GALNT7: variants seen among roughly 807,000 people sequenced by gnomAD.
GALNT7 encodes the protein N-acetylgalactosaminyltransferase 7.
Under a neutral mutation model 82.1 loss-of-function variants are expected in GALNT7, and 60 were observed. The ratio of observed to expected loss-of-function variants is 0.73; its 90% confidence interval spans 0.59 to 0.91. The LOEUF (loss-of-function observed/expected upper bound fraction) is 0.91, where lower values mean the gene tolerates loss of function less well. Among genes scored for constraint, GALNT7 ranks in the 40% least tolerant of loss-of-function variants. The pLI is 0.00. For synonymous variants in GALNT7, 243 were observed against 275.1 expected (o/e 0.88, Z 1.15); for missense variants, 660 against 804.2 (o/e 0.82, Z 2.17).
intron 2 of GALNT7, among the ~76,000 whole-genome samples, chr4:173,258,202 A>G (rs1016505646): frequency 3.3e-5 from 5 of 152,184 alleles, no homozygotes; most frequent in African/African-American, 1.2e-4. Flanking sequence ...AACCTAGACT[A>G]GAGTTTGGTT....
chr4:173,318,226 G>T (rs76395276), intron 10 of GALNT7, among the ~76,000 whole-genome samples: 1,979 of 152,238 alleles, frequency 0.013, 35 homozygotes, highest in African/African-American at 0.041. Context: ...AGAGACTAAA[G>T]AACTTAATGA....
intron 1 of GALNT7, among the ~76,000 whole-genome samples, chr4:173,179,116 A>G (rs759049349): frequency 2.0e-4 from 31 of 152,218 alleles, no homozygotes; most frequent in Non-Finnish European, 3.7e-4. Flanking sequence ...TATGAAAACT[A>G]TGTATTCACT....
chr4:173,266,295 A>G (rs919622056), intron 2 of GALNT7, among the ~76,000 whole-genome samples: 10 of 152,218 alleles, frequency 6.6e-5, no homozygotes, highest in Non-Finnish European at 1.2e-4. Flanking sequence ...AAAGAATTTT[A>G]GAACTGAAGG....
chr4:173,271,866 T>G (rs1561183759), intron 2 of GALNT7, among the ~76,000 whole-genome samples: 4 of 152,254 alleles, frequency 2.6e-5, no homozygotes, highest in Admixed American at 2.0e-4. Context: ...TTATGTATCT[T>G]TAAATATTTT....
At chr4:173,291,318 AACATT>A (rs776478702) in intron 2 of GALNT7, among the ~76,000 whole-genome samples, 40 of 152,324 alleles carry the variant, frequency 2.6e-4, no homozygotes, top group Non-Finnish European at 4.1e-4. Context: ...TCTCTCCAGA[AACATT>A]ACATCTTCCT....
At chr4:173,237,411 C>T (rs942593175) in intron 1 of GALNT7, among the ~76,000 whole-genome samples, 3 of 152,158 alleles carry the variant, frequency 2.0e-5, no homozygotes, top group East Asian at 1.9e-4. Flanking sequence ...TATTCATTTT[C>T]GAGTTTCTCC....
rs904978942 is a variant in GALNT7 at position 173,292,400 on chromosome 4, C to G, written c.754+126C>G. On this transcript the variant is annotated intron_variant, in intron 3 of 11. Coordinates refer to ENST00000265000, the MANE Select transcript of GALNT7 (RefSeq NM_017423.3). This position sits in a 1 kb window ranked among gnomAD's most constrained non-coding sequence, Gnocchi z 4.8. Reference sequence around the variant, plus strand: ...ATCTATTGATAGCATCTGTTATCAACAAGTTGACACTGTGCCAAGCATTGT... The same window carrying G: ...ATCTATTGATAGCATCTGTTATCAAGAAGTTGACACTGTGCCAAGCATTGT... 1.7e-5 allele frequency: 10 copies of G among 596,776 alleles called. No individual in the cohort carries two copies. Among genetic ancestry groups the G allele is most frequent in the Admixed American group, 1.4e-4 (4 of 28,784 alleles). 37.0% of individuals were successfully genotyped at this position (596,776 alleles called of 1,614,324 possible).
At chr4:173,273,454 C>T (rs1228747496) in intron 2 of GALNT7, among the ~76,000 whole-genome samples, 3 of 152,050 alleles carry the variant, frequency 2.0e-5, no homozygotes, top group Admixed American at 1.3e-4. Context: ...TTAAAAACAA[C>T]AACAAAAAAT....
At chr4:173,216,209 CTT>C (rs1230512970) in intron 1 of GALNT7, among the ~76,000 whole-genome samples, 2 of 152,174 alleles carry the variant, frequency 1.3e-5, no homozygotes, top group East Asian at 3.8e-4. Context: ...ACCCTTTTCT[CTT>C]TTAATATTGT....
intron 1 of GALNT7, among the ~76,000 whole-genome samples, chr4:173,200,837 A>G (rs998639692): frequency 1.3e-5 from 2 of 152,228 alleles, no homozygotes; most frequent in African/African-American, 2.4e-5. Context: ...TGAAAGTAAT[A>G]TTCTGAATGA....
chr4:173,248,475 C>T lies in GALNT7; in HGVS notation c.587+35C>T, dbSNP rs375078300. 230 of 1,322,432 alleles carry T rather than the reference C, an allele frequency of 1.7e-4. No homozygotes were observed. The African/African-American group carries it at 3.1e-3, about 18-fold the overall frequency. 81.9% of individuals were successfully genotyped at this position (1,322,432 alleles called of 1,614,324 possible). ...CATCCTCTTCTTTCTAAAAATGGGG[C>T]AACTGTTGTTTTCATAGGTTTTTAG... On this transcript the variant is annotated intron_variant, in intron 2 of 11. Coordinates refer to ENST00000265000, the MANE Select transcript of GALNT7 (RefSeq NM_017423.3).
intron 11 of GALNT7, among the ~76,000 whole-genome samples, chr4:173,319,452 T>C (rs992331025): frequency 7.9e-5 from 12 of 152,136 alleles, no homozygotes; most frequent in African/African-American, 2.7e-4. Context: ...TATCAATTGA[T>C]GATTTTGTTT....
intron 1 of GALNT7, among the ~76,000 whole-genome samples, chr4:173,218,490 G>C (rs536735448): frequency 6.6e-6 from 1 of 152,072 alleles, no homozygotes; most frequent in Admixed American, 6.5e-5. Context: ...TTTGGAAACA[G>C]CATCCAAGCA....
chr4:173,173,682 CCCTGCATTAAAACATTCAGTA>C (rs1374384669), intron 1 of GALNT7, among the ~76,000 whole-genome samples: 1 of 152,038 alleles, frequency 6.6e-6, no homozygotes, highest in Non-Finnish European at 1.5e-5. Context: ...GGTTGGGGAC[CCCTGCATTAAAACATTCAGTA>C]CTGGTGAGAA....
intron 1 of GALNT7, among the ~76,000 whole-genome samples, chr4:173,233,269 G>A (rs1734098430): frequency 6.6e-6 from 1 of 152,126 alleles, no homozygotes; most frequent in South Asian, 2.1e-4. Context: ...GGATGGGTGG[G>A]TTGTATGGTA....
chr4:173,201,473 A>G (rs565454102), intron 1 of GALNT7, among the ~76,000 whole-genome samples: 5 of 152,218 alleles, frequency 3.3e-5, no homozygotes, highest in Non-Finnish European at 7.3e-5. Flanking sequence ...AAAAAAATGT[A>G]AGTGCTTTGA....
Position 173,248,271 on chromosome 4 carries a change from C to A in GALNT7, c.418C>A (p.Pro140Thr), listed in dbSNP as rs1291610666. Residue 140 changes from proline (P) to threonine (T), a missense_variant, in exon 2 of 12, where the codon CCT (proline) becomes ACT (threonine). By Grantham distance (38) the Pro-to-Thr change is conservative (BLOSUM62 -1). Around this residue, in one of 2 missense-constraint regions of GALNT7, gnomAD observed 527 missense variants for 683.5 expected, o/e 0.77. Transcript: ENST00000265000. The stretch of plus-strand genomic sequence containing the variant: ...CCTCGGTAACTTTGAACCCAAAGAA[C>A]CTGAGCCTCCTGGAGTGGTTGGTGG... ...GILGNFEPKE[P>T]EPPGVVGGPG... The A allele has an allele frequency of 1.9e-6, 3 of 1,613,822 alleles. No individual in the cohort carries two copies. Among genetic ancestry groups the A allele is most frequent in the Non-Finnish European group, 2.5e-6 (3 of 1,179,890 alleles).
intron 1 of GALNT7, among the ~76,000 whole-genome samples, chr4:173,174,099 A>G (rs778621478): frequency 2.6e-5 from 4 of 152,304 alleles, no homozygotes; most frequent in South Asian, 2.1e-4. Flanking sequence ...TTCCCAGGCT[A>G]TACACCTTAG....
At chr4:173,224,971 T>C (rs966051717) in intron 1 of GALNT7, among the ~76,000 whole-genome samples, 17 of 151,468 alleles carry the variant, frequency 1.1e-4, no homozygotes, top group Admixed American at 5.3e-4. Context: ...GCCGAAATTG[T>C]GCCACTGCAC....
Sources: gnomAD v4.1 joint callset for allele counts (sites outside exome capture counted in the v4.1 genomes callset) on GRCh38, gnomAD v4.1.1 for gene constraint, gnomAD v4.1.1 regional missense constraint, Gnocchi (gnomAD v3.1) non-coding constraint, MANE v1.5 for transcripts, NCBI Gene and HGNC (gene_info 2026-07-23, HGNC 2026-07-21) for gene names.